The following PCBP3 variants were observed in gnomAD, a reference collection of about 807,000 sequenced individuals.
PCBP3 encodes the protein poly(rC)-binding protein 3.
In PCBP3, 25 loss-of-function variants were observed where a neutral mutation model predicts 52.7. The ratio of observed to expected loss-of-function variants is 0.47; its 90% CI spans 0.35 to 0.66. The LOEUF is 0.66. Ranked by LOEUF, PCBP3 falls within the 30% of genes least tolerant of loss-of-function variation. The probability of loss-of-function intolerance (pLI) is 0.01; values close to 1 mark genes in which losing one functional copy is unlikely to be tolerated. For missense variants in PCBP3, 391 were observed against 490.3 expected (o/e 0.80, Z 1.91); for synonymous variants, 162 against 183.0 (o/e 0.89, Z 0.93).
intron 4 of PCBP3, among the ~76,000 whole-genome samples, chr21:45,780,794 AAG>A (rs139245154): frequency 1.3e-5 from 2 of 151,436 alleles, no homozygotes; most frequent in Admixed American, 6.6e-5. Flanking sequence ...GGTGGGGAGC[AAG>A]AGAGAGAGAG....
chr21:45,696,079 CAAAAA>C (rs71185164), intron 2 of PCBP3, among the ~76,000 whole-genome samples: 5 of 39,638 alleles, frequency 1.3e-4, no homozygotes, highest in South Asian at 1.3e-3. Flanking sequence ...GACTCTGTCT[CAAAAA>C]AAAAAAAAAA....
intron 3 of PCBP3, among the ~76,000 whole-genome samples, 149 bp from the exon 4 acceptor site, chr21:45,755,268 A>G (rs2183595): frequency 0.18 from 26,912 of 152,182 alleles, 2,518 homozygotes; most frequent in Middle Eastern, 0.33. Flanking sequence ...TTGTTGCTGA[A>G]TAATTTTTGA....
At chr21:45,879,844 A>T (rs1374132668) in intron 5 of PCBP3, among the ~76,000 whole-genome samples, 1 of 152,114 alleles carries the variant, frequency 6.6e-6, no homozygotes, top group Non-Finnish European at 1.5e-5. Context: ...CATCCATTAG[A>T]AAAGAAGAAA....
intron 5 of PCBP3, among the ~76,000 whole-genome samples, chr21:45,889,344 G>A (rs569678199): frequency 2.6e-5 from 4 of 152,382 alleles, no homozygotes; most frequent in East Asian, 1.9e-4. Flanking sequence ...CCTGGGGCCT[G>A]CTTAGAAGCT....
chr21:45,839,809 C>G (rs1569294524), intron 4 of PCBP3, among the ~76,000 whole-genome samples: 2 of 152,050 alleles, frequency 1.3e-5, no homozygotes, highest in Admixed American at 6.5e-5. Context: ...GCCTCAGCCT[C>G]CCGAGTAGCT....
At chr21:45,803,951 A>G (rs939102906) in intron 4 of PCBP3, among the ~76,000 whole-genome samples, 1 of 152,054 alleles carries the variant, frequency 6.6e-6, no homozygotes, top group Non-Finnish European at 1.5e-5. Flanking sequence ...GAGATGAAGG[A>G]CGCCTAGACC....
chr21:45,659,058 A>T (rs2080208390), intron 1 of PCBP3, among the ~76,000 whole-genome samples: 1 of 150,256 alleles, frequency 6.7e-6, no homozygotes, highest in Admixed American at 6.6e-5. Context: ...CATTCTAGAT[A>T]AAAGTTTGTC....
chr21:45,798,825 G>T (rs150298438), intron 4 of PCBP3, among the ~76,000 whole-genome samples: 2 of 149,074 alleles, frequency 1.3e-5, no homozygotes, highest in African/African-American at 5.0e-5. Flanking sequence ...TGAATACATG[G>T]ATCCGTAGAG....
chr21:45,811,226 G>A (rs2092679611), intron 4 of PCBP3, among the ~76,000 whole-genome samples: 1 of 152,206 alleles, frequency 6.6e-6, no homozygotes. Flanking sequence ...TACAGCACAA[G>A]CTCATCACCT....
intron 9 of PCBP3, 152 bp from the exon 10 acceptor site, chr21:45,909,203 C>T (rs2096278045): frequency 9.1e-6 from 7 of 772,788 alleles, no homozygotes; most frequent in Non-Finnish European, 1.5e-5. Context: ...TCCTGGTCCT[C>T]CCTGGCCTGG....
At chr21:45,919,784 C>T (rs966991330) in intron 13 of PCBP3, among the ~76,000 whole-genome samples, 3 of 152,212 alleles carry the variant, frequency 2.0e-5, no homozygotes, top group Admixed American at 1.3e-4. Context: ...CCCCAGCCTG[C>T]GCCCAGCAGC....
rs556890505 is a variant in PCBP3, at chr21:45,707,088, C to T, written c.-199-28304C>T. ...GCACGTACATTATTGATAGCAGGAG[C>T]GGGAAAGGAGTAATGCTTTCTACTT... On this transcript the variant is annotated intron_variant, in intron 2 of 17. Coordinates refer to ENST00000681687, the MANE Select transcript of PCBP3 (RefSeq NM_001384156.1). 3.3e-5 allele frequency among the ~76,000 whole-genome samples: 5 copies of T among 152,176 alleles called. No individual in the cohort carries two copies. In the East Asian group the frequency reaches 9.6e-4, roughly 29 times the overall value.
At chr21:45,762,153 G>C (rs2088741617) in intron 4 of PCBP3, 2 of 152,330 alleles carry the variant, frequency 1.3e-5, no homozygotes. Context: ...TTCGTGGGTG[G>C]GTCTGGCTTG....
intron 1 of PCBP3, among the ~76,000 whole-genome samples, chr21:45,663,820 C>T (rs190703355): frequency 8.0e-4 from 122 of 152,030 alleles, no homozygotes; most frequent in African/African-American, 2.8e-3. Context: ...ATGCCTCTAG[C>T]CTTGTTCTTT....
At chr21:45,667,265 C>T (rs975396643) in intron 1 of PCBP3, among the ~76,000 whole-genome samples, 1 of 151,914 alleles carries the variant, frequency 6.6e-6, no homozygotes, top group Non-Finnish European at 1.5e-5. Context: ...ACCTCAGCCT[C>T]CCAAAATGTT....
intron 2 of PCBP3, among the ~76,000 whole-genome samples, chr21:45,696,694 G>A (rs1603278735): frequency 6.6e-6 from 1 of 152,102 alleles, no homozygotes; most frequent in African/African-American, 2.4e-5. Flanking sequence ...GGGAGGCTGA[G>A]GCAGGAGAAT....
At chr21:45,919,495 A>G (rs1262288416) in intron 13 of PCBP3, 3 of 152,238 alleles carry the variant, frequency 2.0e-5, no homozygotes, top group Non-Finnish European at 4.4e-5. Flanking sequence ...ATTTACTATC[A>G]TTGCAGGAAA....
At chr21:45,908,488 AAG>A (rs1243742620) in intron 9 of PCBP3, among the ~76,000 whole-genome samples, 1 of 152,212 alleles carries the variant, frequency 6.6e-6, no homozygotes, top group Non-Finnish European at 1.5e-5. Flanking sequence ...TGTTTCTAAG[AAG>A]AGGGCACTTT....
intron 2 of PCBP3, among the ~76,000 whole-genome samples, chr21:45,709,378 A>G (rs977034743): frequency 5.2e-4 from 79 of 152,286 alleles, no homozygotes; most frequent in African/African-American, 1.7e-3. Context: ...GGTGCCTCAA[A>G]TGATGAAATA....
Sources: gnomAD v4.1 joint callset for allele counts (sites outside exome capture counted in the v4.1 genomes callset) on GRCh38, gnomAD v4.1.1 for gene constraint, MANE v1.5 for transcripts, NCBI Gene and HGNC (gene_info 2026-07-23, HGNC 2026-07-21) for gene names.